Variants in NR1I2 observed in about 807,000 individuals in gnomAD.
The protein encoded by NR1I2 is orphan nuclear receptor PAR1.
Under a neutral mutation model 43.3 loss-of-function variants are expected in NR1I2, and 42 were observed. That is an observed-to-expected ratio of 0.97 (90% CI 0.76 to 1.26). NR1I2 has a LOEUF of 1.26. NR1I2 is among the 50% of genes most tolerant of loss of function. NR1I2 has a pLI of 0.00. For missense variants in NR1I2, 559 were observed against 566.7 expected (o/e 0.99, Z 0.14); for synonymous variants, 229 against 215.0 (o/e 1.06, Z -0.57).
chr3:119,791,971 G>A, intron 1 of NR1I2: 1 of 691,126 alleles, frequency 1.4e-6, no homozygotes, highest in Non-Finnish European at 2.7e-6. Flanking sequence ...ATTGTGGTAG[G>A]GTAAGGGACT....
chr3:119,791,734 G>C (rs2054922435), intron 1 of NR1I2: 1 of 392,632 alleles, frequency 2.5e-6, no homozygotes, highest in Non-Finnish European at 5.0e-6. Flanking sequence ...GGCCAACATG[G>C]TGAAACCCCA....
chr3:119,807,965 C>T (rs551136580), intron 2 of NR1I2, among the ~76,000 whole-genome samples: 158 of 152,154 alleles, frequency 1.0e-3, no homozygotes, highest in Non-Finnish European at 1.4e-3. Context: ...TCATGCATTC[C>T]CAAGACAGCC....
At chr3:119,802,163 G>A (rs1291270995) in intron 1 of NR1I2, among the ~76,000 whole-genome samples, 1 of 152,136 alleles carries the variant, frequency 6.6e-6, no homozygotes, top group Non-Finnish European at 1.5e-5. Context: ...CAGCTGTAAT[G>A]GGTTCTCTAG....
intron 1 of NR1I2, chr3:119,802,969 G>A (rs762499264): frequency 4.4e-6 from 2 of 456,644 alleles, no homozygotes; most frequent in South Asian, 1.5e-5. Context: ...GGCTTTAGAA[G>A]ATGGGGACTT....
At position 119,818,093 on chromosome 3, in the gene NR1I2, G is replaced by A. The variant is rs2055354835; in HGVS notation, c.*881G>A. The A allele has an allele frequency of 2.0e-6, 2 of 985,624 alleles. No individual in the cohort carries two copies. The highest frequency in any genetic ancestry group is 2.4e-6 in the Non-Finnish European group (2 of 829,994). 61.1% of individuals were successfully genotyped at this position (985,624 alleles called of 1,614,324 possible). ...TGAAGGTTCCCAAGGACATGAGTCT[G>A]TAGGAGCAAGGGCACAAACTGCAGC... On this transcript the variant is annotated 3_prime_UTR_variant, in exon 9 of 9. Transcript: ENST00000393716.
chr3:119,811,624 AG>A lies in NR1I2; in HGVS notation c.418del (p.Val140CysfsTer4). The A allele has an allele frequency of 1.9e-6, 3 of 1,613,960 alleles. No individual in the cohort carries two copies. The highest frequency in any genetic ancestry group is 2.5e-6 in the Non-Finnish European group (3 of 1,179,914). ...AACGGACAGGGACTCAGCCACTGGG[AG>A]TGCAGGGGCTGACAGAGGAGCAGCG... On this transcript the variant is annotated frameshift_variant, in exon 4 of 9. Transcript: ENST00000393716. LOFTEE classifies it high-confidence loss of function.
intron 1 of NR1I2, among the ~76,000 whole-genome samples, 184 bp from the exon 2 acceptor site, chr3:119,807,045 T>C (rs1235418799): frequency 1.3e-5 from 2 of 152,232 alleles, no homozygotes; most frequent in African/African-American, 2.4e-5. Context: ...CAAAATGTCA[T>C]GATTACAGCT....
At chr3:119,790,137 A>G (rs554422665) in intron 1 of NR1I2, among the ~76,000 whole-genome samples, 1 of 152,266 alleles carries the variant, frequency 6.6e-6, no homozygotes, top group South Asian at 2.1e-4. Context: ...TTCTGCTTCC[A>G]TGAGCTTGAC....
chr3:119,805,829 T>C (rs1217518663), intron 1 of NR1I2, among the ~76,000 whole-genome samples: 1 of 152,120 alleles, frequency 6.6e-6, no homozygotes, highest in Non-Finnish European at 1.5e-5. Context: ...CTTGAGGTTT[T>C]TGTGAACACC....
In NR1I2 at chr3:119,812,832, C is replaced by G. The variant is rs771858576; in HGVS notation, c.666C>G (p.Val222=). 1 of 1,614,234 alleles carries G rather than the reference C, an allele frequency of 6.2e-7. No homozygotes were observed. The highest frequency in any genetic ancestry group is 8.5e-7 in the Non-Finnish European group (1 of 1,180,042). The change falls in exon 5 of 9, where the codon GTC becomes GTG. Residue 222 remains valine, a synonymous_variant. Coordinates refer to ENST00000393716, the MANE Select transcript of NR1I2 (RefSeq NM_003889.4). ...AGCTGCGGGGGGAGGATGGCAGTGTCTGGAACTACAAACCCCCAGCCGACA... is the reference window on the plus strand; with the variant it reads ...AGCTGCGGGGGGAGGATGGCAGTGTGTGGAACTACAAACCCCCAGCCGACA...
intron 3 of NR1I2, 40 bp downstream of exon 3, chr3:119,810,234 A>G: frequency 6.4e-7 from 1 of 1,560,062 alleles, no homozygotes; most frequent in Non-Finnish European, 8.7e-7. Flanking sequence ...GCCGGGGTGC[A>G]CGGCTCTGAG....
intron 1 of NR1I2, among the ~76,000 whole-genome samples, chr3:119,803,196 G>A (rs984060685): frequency 2.0e-5 from 3 of 152,092 alleles, no homozygotes; most frequent in Non-Finnish European, 4.4e-5. Context: ...AAGTAGCTGG[G>A]TATGGTGGCA....
At chr3:119,805,449 G>T (rs556168618) in intron 1 of NR1I2, among the ~76,000 whole-genome samples, 68 of 152,192 alleles carry the variant, frequency 4.5e-4, no homozygotes, top group Non-Finnish European at 6.5e-4. Context: ...CCAGCACTTT[G>T]GGAGGCTGAG....
At chr3:119,782,349 G>C (rs1035139544) in intron 1 of NR1I2, 49 bp downstream of exon 1, 7 of 176,426 alleles carry the variant, frequency 4.0e-5, no homozygotes, top group African/African-American at 1.4e-4. Flanking sequence ...CCGCCCTTCA[G>C]CTCCAGCCAA....
At chr3:119,782,831 C>T (rs761005384) in intron 1 of NR1I2, 17 of 1,613,882 alleles carry the variant, frequency 1.1e-5, no homozygotes, top group South Asian at 3.3e-5. Context: ...CACAGTGCTG[C>T]GGCTGAGTTG....
intron 2 of NR1I2, 118 bp from the exon 3 acceptor site, chr3:119,809,943 C>A: frequency 7.5e-7 from 1 of 1,332,216 alleles, no homozygotes; most frequent in Non-Finnish European, 1.1e-6. Context: ...GACGCAAAGG[C>A]TAGTGTCCCC....
chr3:119,798,190 GC>G (rs1559785542), intron 1 of NR1I2, among the ~76,000 whole-genome samples: 1 of 151,932 alleles, frequency 6.6e-6, no homozygotes, highest in African/African-American at 2.4e-5. Context: ...TGTCTCTTAC[GC>G]CCTGTTCTTT....
chr3:119,801,690 T>A (rs753342845), intron 1 of NR1I2, among the ~76,000 whole-genome samples: 2 of 152,250 alleles, frequency 1.3e-5, no homozygotes, highest in Non-Finnish European at 2.9e-5. Context: ...CTGTTTCATT[T>A]TCTGACATGA....
intron 1 of NR1I2, among the ~76,000 whole-genome samples, chr3:119,798,815 T>A (rs1267803619): frequency 6.6e-6 from 1 of 152,196 alleles, no homozygotes; most frequent in African/African-American, 2.4e-5. Flanking sequence ...TGGGTATACT[T>A]CTTTCACTTA....
Sources: allele counts gnomAD v4.1 joint callset (sites outside exome capture counted in the v4.1 genomes callset), GRCh38; gene constraint gnomAD v4.1.1; transcripts MANE v1.5; gene names NCBI Gene and HGNC (gene_info 2026-07-23, HGNC 2026-07-21).